CDH4: variants seen among roughly 807,000 people sequenced by gnomAD.
CDH4 encodes cadherin 4.
CDH4 carries 33 observed loss-of-function variants against 86.0 expected under a neutral mutation model. That is an observed-to-expected ratio of 0.38 (90% CI 0.29 to 0.51). CDH4 has a LOEUF of 0.51. Ranked by LOEUF, CDH4 falls within the 20% of genes least tolerant of loss-of-function variation. The probability of loss-of-function intolerance (pLI) is 0.86; values close to 1 mark genes in which losing one functional copy is unlikely to be tolerated. For synonymous variants in CDH4, 555 were observed against 549.4 expected (o/e 1.01, Z -0.14); for missense variants, 1,114 against 1,307.4 (o/e 0.85, Z 2.28).
intron 2 of CDH4, among the ~76,000 whole-genome samples, chr20:61,561,549 A>C (rs1044600442): frequency 6.6e-6 from 1 of 152,194 alleles, no homozygotes; most frequent in African/African-American, 2.4e-5. Flanking sequence ...AGAAAACACA[A>C]TGGCAGGTGG....
chr20:61,317,419 A>G (rs1247437777), intron 2 of CDH4, among the ~76,000 whole-genome samples: 1 of 152,208 alleles, frequency 6.6e-6, no homozygotes, highest in Non-Finnish European at 1.5e-5. Flanking sequence ...AAATTCTATC[A>G]AATCTGTTTG....
At chr20:61,735,832 A>G (rs936580535) in intron 2 of CDH4, among the ~76,000 whole-genome samples, 2 of 152,116 alleles carry the variant, frequency 1.3e-5, no homozygotes, top group Non-Finnish European at 2.9e-5. Context: ...GAGCATGTGC[A>G]TGCAGCGGGG....
rs79443249 is a variant in CDH4, at chr20:61,351,478, A to G, written c.169+96541A>G. Among the ~76,000 whole-genome samples, 12 of 152,298 alleles carry G rather than the reference A, an allele frequency of 7.9e-5. No individual in the cohort carries two copies. In the East Asian group the frequency reaches 2.1e-3, roughly 27 times the overall value. On this transcript the variant is annotated intron_variant, in intron 2 of 15. Transcript: ENST00000614565. ...CCCACTGATACCAAGGGACAGCTGT[A>G]TACTTTGGCATAAATGACATTTACT...
intron 4 of CDH4, among the ~76,000 whole-genome samples, chr20:61,806,824 G>A (rs1434152681): frequency 6.6e-6 from 1 of 152,158 alleles, no homozygotes; most frequent in Non-Finnish European, 1.5e-5. Flanking sequence ...CTCTGTGAGT[G>A]GGAAGTGTCA....
intron 11 of CDH4, among the ~76,000 whole-genome samples, chr20:61,925,333 A>C (rs1190776245): frequency 6.6e-6 from 1 of 152,172 alleles, no homozygotes; most frequent in Non-Finnish European, 1.5e-5. Context: ...GGGAGCAGGG[A>C]TTCTGGAACC....
At chr20:61,780,827 C>A (rs908880853) in intron 4 of CDH4, among the ~76,000 whole-genome samples, 2 of 152,184 alleles carry the variant, frequency 1.3e-5, no homozygotes, top group African/African-American at 4.8e-5. Context: ...CCATCCCAGG[C>A]CTTGCCTCAA....
chr20:61,848,226 C>T (rs1338836070), intron 5 of CDH4, among the ~76,000 whole-genome samples: 1 of 152,224 alleles, frequency 6.6e-6, no homozygotes, highest in Admixed American at 6.5e-5. Flanking sequence ...ACACTCCCCA[C>T]CTGAGCTGGC....
chr20:61,557,540 GATTA>G (rs2086186684), intron 2 of CDH4, among the ~76,000 whole-genome samples: 1 of 152,196 alleles, frequency 6.6e-6, no homozygotes, highest in Non-Finnish European at 1.5e-5. Flanking sequence ...TTCTGGTATA[GATTA>G]ATTGAGTTTC....
At chr20:61,856,038 A>C (rs915744070) in intron 6 of CDH4, among the ~76,000 whole-genome samples, 1 of 152,150 alleles carries the variant, frequency 6.6e-6, no homozygotes. Context: ...GTGTCCATGC[A>C]AAGTGTGGCT....
intron 2 of CDH4, among the ~76,000 whole-genome samples, chr20:61,573,312 C>T (rs1041964957): frequency 6.6e-6 from 1 of 152,170 alleles, no homozygotes; most frequent in Non-Finnish European, 1.5e-5. Context: ...CTGCACAGTC[C>T]CTGGCCTGGT....
intron 4 of CDH4, among the ~76,000 whole-genome samples, chr20:61,801,302 T>G (rs572984994): frequency 6.6e-6 from 1 of 151,884 alleles, no homozygotes; most frequent in South Asian, 2.1e-4. Flanking sequence ...AGGGCCAGGG[T>G]GTCCAGCCGC....
intron 2 of CDH4, among the ~76,000 whole-genome samples, chr20:61,271,698 C>T (rs1211047895): frequency 6.6e-6 from 1 of 152,212 alleles, no homozygotes; most frequent in East Asian, 1.9e-4. Context: ...TTTTTCCACC[C>T]CACCAACCTG....
intron 2 of CDH4, among the ~76,000 whole-genome samples, chr20:61,587,773 A>G (rs967325843): frequency 2.0e-4 from 31 of 152,188 alleles, no homozygotes; most frequent in Non-Finnish European, 4.0e-4. Flanking sequence ...AGCAGCAGAA[A>G]GCAGCCACTT....
At chr20:61,686,649 G>T (rs934934562) in intron 2 of CDH4, among the ~76,000 whole-genome samples, 2 of 150,736 alleles carry the variant, frequency 1.3e-5, no homozygotes, top group East Asian at 2.0e-4. Flanking sequence ...GTGCATTCGC[G>T]TGTGTGCATT....
intron 2 of CDH4, among the ~76,000 whole-genome samples, chr20:61,338,872 A>G (rs2084633927): frequency 6.6e-6 from 1 of 152,210 alleles, no homozygotes; most frequent in Non-Finnish European, 1.5e-5. Flanking sequence ...TTTCTGAAGC[A>G]AACACCTAGA....
chr20:61,549,903 A>G (rs1346094679), intron 2 of CDH4, among the ~76,000 whole-genome samples: 1 of 152,210 alleles, frequency 6.6e-6, no homozygotes, highest in African/African-American at 2.4e-5. Context: ...GCTTGTGGTC[A>G]GCTGCCACCC....
At chr20:61,282,867 GGT>G (rs1347905876) in intron 2 of CDH4, among the ~76,000 whole-genome samples, 23 of 146,624 alleles carry the variant, frequency 1.6e-4, no homozygotes, top group Admixed American at 2.0e-4. Flanking sequence ...CATGTGCTGT[GGT>G]GTGTGTGATG....
rs567015886 is a variant in CDH4 at position 61,926,964 on chromosome 20, C to T, written c.1772-1226C>T. ...CGTGGCAGACGCCGTGTGAGGGAGC[C>T]GGGGTGCACAGGCTGGAGCAGGAGC... On this transcript the variant is annotated intron_variant, in intron 11 of 15. Transcript: ENST00000614565. Among the ~76,000 whole-genome samples the T allele has an allele frequency of 2.2e-4, 32 of 146,312 alleles. No individual in the cohort carries two copies. The East Asian group carries it at 7.1e-3, about 32-fold the overall frequency.
rs369170865 is a variant in CDH4, at chr20:61,612,675, T to C, written c.170-130888T>C. On this transcript the variant is annotated intron_variant, in intron 2 of 15. Coordinates refer to ENST00000614565, the MANE Select transcript of CDH4 (RefSeq NM_001794.5). ...TGGACTTTCCCGAATGAAAAGCCCT[T>C]CATTCCGATGTTACAGCTTAGACTC... is the stretch of plus-strand genomic sequence containing the variant. Among the ~76,000 whole-genome samples, 5 of 152,126 alleles carry C rather than the reference T, an allele frequency of 3.3e-5. No individual in the cohort carries two copies. In the East Asian group the frequency reaches 9.6e-4, roughly 29 times the overall value.
Sources: gnomAD v4.1 joint callset for allele counts (sites outside exome capture counted in the v4.1 genomes callset) on GRCh38, gnomAD v4.1.1 for gene constraint, MANE v1.5 for transcripts, NCBI Gene and HGNC (gene_info 2026-07-23, HGNC 2026-07-21) for gene names.